The following PHF20 variants were observed in gnomAD, a reference collection of about 807,000 sequenced individuals.
The protein encoded by PHF20 is glioma-expressed antigen 2.
PHF20 carries 23 observed loss-of-function variants against 113.5 expected under a neutral mutation model. The observed-to-expected ratio is 0.20, with a 90% CI of 0.15 to 0.29. PHF20 has a LOEUF of 0.29. PHF20 is among the 10% of genes least tolerant of loss of function. The probability of loss-of-function intolerance (pLI) is 1.00; values close to 1 mark genes in which losing one functional copy is unlikely to be tolerated. For synonymous variants in PHF20, 434 were observed against 457.3 expected, an observed-to-expected ratio of 0.95 and a Z score of 0.65; for missense variants, 943 against 1,219.6, an observed-to-expected ratio of 0.77 and a Z score of 3.38.
In PHF20 at chr20:35,949,398, T is replaced by C. The variant is rs547830899; in HGVS notation, c.*1771T>C. The C allele has an allele frequency of 6.5e-6, 1 of 152,822 alleles. No homozygotes were observed. Among genetic ancestry groups the C allele is most frequent in the South Asian group, 2.1e-4 (1 of 4,830 alleles). The allele number at this position is 152,822 out of a possible 1,614,324, so 9.5% of individuals were successfully genotyped here. On this transcript the variant is annotated 3_prime_UTR_variant, in exon 18 of 18. Coordinates refer to ENST00000374012, the MANE Select transcript of PHF20 (RefSeq NM_016436.5). ...TATTATTAGATTACTGATTTTTCTT[T>C]TCTGAAAATACATTTGAGTTTTAAT...
At chr20:35,776,434 G>A (rs981027924) in intron 1 of PHF20, among the ~76,000 whole-genome samples, 25 of 152,180 alleles carry the variant, frequency 1.6e-4, no homozygotes, top group Admixed American at 5.9e-4. Flanking sequence ...ATTCTTTGAT[G>A]GTGATCATGC....
At chr20:35,907,191 T>G (rs549420779) in intron 10 of PHF20, among the ~76,000 whole-genome samples, 126 of 152,302 alleles carry the variant, frequency 8.3e-4, no homozygotes, top group African/African-American at 2.6e-3. Flanking sequence ...AGCGGCGGTC[T>G]GATGACAGTT....
intron 4 of PHF20, among the ~76,000 whole-genome samples, chr20:35,855,809 G>T (rs1011715257): frequency 3.3e-5 from 5 of 152,174 alleles, no homozygotes; most frequent in African/African-American, 1.2e-4. Context: ...GAGTAGCTGG[G>T]ATTGCAGGTG....
intron 2 of PHF20, among the ~76,000 whole-genome samples, chr20:35,819,167 G>A (rs540322910): frequency 1.1e-3 from 167 of 152,232 alleles, no homozygotes; most frequent in African/African-American, 3.8e-3. Flanking sequence ...CTGACCTCAG[G>A]TGATCTGCCC....
At chr20:35,853,096 C>T (rs911279158) in intron 4 of PHF20, among the ~76,000 whole-genome samples, 5 of 150,556 alleles carry the variant, frequency 3.3e-5, no homozygotes, top group Non-Finnish European at 5.9e-5. Flanking sequence ...GTGGCGCGCA[C>T]CTGTAATCTC....
chr20:35,799,647 CAG>C (rs1412243999), intron 1 of PHF20, among the ~76,000 whole-genome samples: 1 of 151,916 alleles, frequency 6.6e-6, no homozygotes, highest in East Asian at 1.9e-4. Context: ...TTAATTACCT[CAG>C]TGATCACAAG....
chr20:35,784,415 G>A (rs1166463261), intron 1 of PHF20, among the ~76,000 whole-genome samples: 1 of 135,832 alleles, frequency 7.4e-6, no homozygotes, highest in African/African-American at 2.6e-5. Context: ...TATTTTTAAT[G>A]TTGAAATATC....
intron 1 of PHF20, 117 bp from the exon 2 acceptor site, chr20:35,801,374 A>G (rs2041778083): frequency 1.8e-6 from 1 of 568,940 alleles, no homozygotes; most frequent in Admixed American, 3.1e-5. Flanking sequence ...GGACACCAAC[A>G]GGGTTTCATG....
intron 2 of PHF20, among the ~76,000 whole-genome samples, chr20:35,829,396 A>T (rs1002168421): frequency 4.0e-5 from 6 of 151,890 alleles, no homozygotes; most frequent in African/African-American, 1.5e-4. Flanking sequence ...CTCTGTTGCC[A>T]GGCTGGAGTG....
chr20:35,859,501 G>A (rs1167537230), intron 5 of PHF20, among the ~76,000 whole-genome samples: 3 of 151,242 alleles, frequency 2.0e-5, no homozygotes, highest in Admixed American at 2.0e-4. Context: ...AGTAGTTGAT[G>A]TGACAATATT....
chr20:35,796,025 AT>A (rs2041660105), intron 1 of PHF20, among the ~76,000 whole-genome samples: 1 of 151,706 alleles, frequency 6.6e-6, no homozygotes, highest in Non-Finnish European at 1.5e-5. Flanking sequence ...TAATTTTTGT[AT>A]TTTTTAGTGG....
chr20:35,902,279 C>T (rs943135070), intron 10 of PHF20, among the ~76,000 whole-genome samples: 1 of 152,108 alleles, frequency 6.6e-6, no homozygotes, highest in Non-Finnish European at 1.5e-5. Context: ...GTGTCAGGAG[C>T]CAGTAGAAAT....
chr20:35,793,801 C>G (rs1426685630), intron 1 of PHF20, among the ~76,000 whole-genome samples: 1 of 148,622 alleles, frequency 6.7e-6, no homozygotes, highest in Admixed American at 6.8e-5. Flanking sequence ...AGTTCGAGAC[C>G]AGCCTGGCCA....
intron 2 of PHF20, 181 bp downstream of exon 2, chr20:35,801,786 G>A: frequency 1.9e-6 from 1 of 526,176 alleles, no homozygotes; most frequent in East Asian, 3.2e-5. Context: ...TGACTGTCCT[G>A]TAACCCCCTG....
intron 1 of PHF20, among the ~76,000 whole-genome samples, chr20:35,776,722 G>A (rs918248386): frequency 2.0e-5 from 3 of 152,076 alleles, no homozygotes; most frequent in Non-Finnish European, 2.9e-5. Flanking sequence ...CCTCACATGA[G>A]TGTCAGATCC....
intron 1 of PHF20, among the ~76,000 whole-genome samples, chr20:35,792,540 T>C (rs1268180681): frequency 6.6e-6 from 1 of 151,964 alleles, no homozygotes; most frequent in Non-Finnish European, 1.5e-5. Context: ...TTCTTTTTCT[T>C]CCTCCTTACC....
chr20:35,842,330 A>G (rs1017750978), intron 2 of PHF20, among the ~76,000 whole-genome samples: 8 of 152,094 alleles, frequency 5.3e-5, no homozygotes, highest in Non-Finnish European at 1.2e-4. Context: ...ACAGAGCGAG[A>G]CTCTGTCTCA....
intron 3 of PHF20, among the ~76,000 whole-genome samples, chr20:35,845,091 A>G (rs976806716): frequency 2.0e-5 from 3 of 151,998 alleles, no homozygotes; most frequent in African/African-American, 7.2e-5. Flanking sequence ...TTTTCTGTTT[A>G]TAGTCCTATT....
intron 1 of PHF20, among the ~76,000 whole-genome samples, chr20:35,786,981 C>T (rs1028676512): frequency 3.4e-5 from 5 of 148,904 alleles, no homozygotes; most frequent in Admixed American, 2.0e-4. Flanking sequence ...ATATTGATCT[C>T]TTTCCTGTTT....
Sources: allele counts gnomAD v4.1 joint callset (sites outside exome capture counted in the v4.1 genomes callset), GRCh38; gene constraint gnomAD v4.1.1; transcripts MANE v1.5; gene names NCBI Gene and HGNC (gene_info 2026-07-23, HGNC 2026-07-21).